TBC1D12: variants seen among roughly 807,000 people sequenced by gnomAD.
The protein encoded by TBC1D12 is TBC1 domain family, member 12.
A neutral mutation model predicts 86.7 loss-of-function variants in TBC1D12; 56 were observed. The ratio of observed to expected loss-of-function variants is 0.65; its 90% CI spans 0.52 to 0.81. The LOEUF is 0.81. Ranked by LOEUF, TBC1D12 falls within the 30% of genes least tolerant of loss-of-function variation. The probability of loss-of-function intolerance (pLI) is 0.00; values close to 1 mark genes in which losing one functional copy is unlikely to be tolerated. For synonymous variants in TBC1D12, 421 were observed against 411.7 expected, an observed-to-expected ratio of 1.02 and a Z score of -0.27; for missense variants, 1,023 against 1,038.8, an observed-to-expected ratio of 0.98 and a Z score of 0.21.
At chr10:94,458,261 A>G (rs2055658174) in intron 2 of TBC1D12, among the ~76,000 whole-genome samples, 1 of 152,156 alleles carries the variant, frequency 6.6e-6, no homozygotes, top group Non-Finnish European at 1.5e-5. Context: ...AGAGGAAAGC[A>G]AGATCTGAGC....
In TBC1D12 at chr10:94,534,803, CAGGATCCAGGTCAGATGA is replaced by C. The variant is rs1842513182; in HGVS notation, c.*1712_*1729del. ...GTGTGTGTTTCCTTGAAGTCCAGAG[CAGGATCCAGGTCAGATGA>C]AGGAGGTGGTATGCCTGGCTTAACT... On this transcript the variant is annotated 3_prime_UTR_variant, in exon 13 of 13. Transcript: ENST00000225235. 1 of 152,202 alleles carries C rather than the reference CAGGATCCAGGTCAGATGA, an allele frequency of 6.6e-6. No individual in the cohort carries two copies. Among genetic ancestry groups the C allele is most frequent in the South Asian group, 2.1e-4 (1 of 4,830 alleles). 9.4% of individuals were successfully genotyped at this position (152,202 alleles called of 1,614,324 possible).
chr10:94,509,154 G>A (rs988799619), intron 7 of TBC1D12: 1 of 148,658 alleles, frequency 6.7e-6, no homozygotes, highest in African/African-American at 2.5e-5. Flanking sequence ...GCCCAGGCTG[G>A]AGTGCAGTGG....
At chr10:94,479,926 T>C (rs1452559188) in intron 3 of TBC1D12, among the ~76,000 whole-genome samples, 2 of 152,212 alleles carry the variant, frequency 1.3e-5, no homozygotes, top group African/African-American at 4.8e-5. Context: ...AGGGTTGATA[T>C]CTTTCACCAT....
intron 3 of TBC1D12, among the ~76,000 whole-genome samples, chr10:94,482,720 G>A (rs2056095630): frequency 6.6e-6 from 1 of 152,094 alleles, no homozygotes; most frequent in African/African-American, 2.4e-5. Context: ...AAAGTGCTAG[G>A]ATTACAGGCA....
intron 1 of TBC1D12, among the ~76,000 whole-genome samples, chr10:94,428,228 A>G (rs1410197966): frequency 6.7e-6 from 1 of 148,190 alleles, no homozygotes. Flanking sequence ...AGGTTGGTGT[A>G]TTGAATCCTA....
intron 5 of TBC1D12, 86 bp from the exon 6 acceptor site, chr10:94,500,135 C>T (rs908212007): frequency 1.4e-5 from 16 of 1,182,484 alleles, no homozygotes; most frequent in African/African-American, 6.1e-5. Flanking sequence ...GATCACTTGG[C>T]CATAGACTAA....
chr10:94,404,834 G>C (rs1040779979), intron 1 of TBC1D12, among the ~76,000 whole-genome samples: 6 of 151,804 alleles, frequency 4.0e-5, no homozygotes, highest in Admixed American at 3.9e-4. Context: ...GATCACCTGA[G>C]GTCAGAGTTC....
intron 4 of TBC1D12, among the ~76,000 whole-genome samples, chr10:94,494,504 A>G (rs1436229329): frequency 2.0e-5 from 3 of 152,120 alleles, no homozygotes; most frequent in Non-Finnish European, 4.4e-5. Flanking sequence ...AGAATTCGAA[A>G]TATTTCTGAC....
rs748660059 is a variant in TBC1D12, at chr10:94,437,617, G to A, written c.972-4279G>A. ...AGTTATTTCTTCACGTATTTTTTCT[G>A]CCTCTTTGTCTTTCCCTTCTCCTTG... On this transcript the variant is annotated intron_variant, in intron 1 of 12. Coordinates refer to ENST00000225235, the MANE Select transcript of TBC1D12 (RefSeq NM_015188.2). Among the ~76,000 whole-genome samples, 44 of 152,042 alleles carry A rather than the reference G, an allele frequency of 2.9e-4. 1 individual carries two copies. The highest frequency in any genetic ancestry group is 1.3e-3 in the Admixed American group (20 of 15,248).
At chr10:94,432,570 A>G (rs2055232009) in intron 1 of TBC1D12, among the ~76,000 whole-genome samples, 1 of 152,190 alleles carries the variant, frequency 6.6e-6, no homozygotes, top group South Asian at 2.1e-4. Flanking sequence ...ACAATATCTG[A>G]TGGCCTTTCT....
chr10:94,496,187 A>G (rs929809331), intron 4 of TBC1D12, among the ~76,000 whole-genome samples: 2 of 151,976 alleles, frequency 1.3e-5, no homozygotes, highest in African/African-American at 4.8e-5. Flanking sequence ...TGAAAAAACA[A>G]TTTGAAAACA....
chr10:94,488,384 G>GTTTTTTTTTT (rs1281425108), intron 3 of TBC1D12, among the ~76,000 whole-genome samples: 1 of 106,084 alleles, frequency 9.4e-6, no homozygotes, highest in African/African-American at 3.7e-5. Context: ...GGCCCAAGGG[G>GTTTTTTTTTT]TCTTTTTTTT....
chr10:94,402,753 A>G lies in TBC1D12; in HGVS notation c.140A>G (p.Glu47Gly), dbSNP rs2134036708. The change falls in exon 1 of 13, where the codon GAG becomes GGG. Residue 47 changes from glutamate to glycine, a missense_variant. Transcript: ENST00000225235. ...GGFGGGVGAV[E>G]PPEEADEEEE... ...TTTGGCGGAGGCGTCGGCGCTGTGG[A>G]GCCGCCGGAGGAGGCTGACGAGGAG... 1 of 1,552,294 alleles carries G rather than the reference A, an allele frequency of 6.4e-7. No homozygotes were observed. The highest frequency in any genetic ancestry group is 8.7e-7 in the Non-Finnish European group (1 of 1,147,996).
intron 2 of TBC1D12, among the ~76,000 whole-genome samples, chr10:94,443,549 G>T (rs1209309440): frequency 6.6e-6 from 1 of 152,192 alleles, no homozygotes; most frequent in African/African-American, 2.4e-5. Context: ...AGACACTCTG[G>T]TGTGCTGCAC....
At chr10:94,465,888 A>G (rs964668557) in intron 2 of TBC1D12, among the ~76,000 whole-genome samples, 5 of 151,086 alleles carry the variant, frequency 3.3e-5, no homozygotes, top group Admixed American at 6.6e-5. Flanking sequence ...ATGTATGTAT[A>G]TACATACATA....
In TBC1D12 at chr10:94,476,483, C is replaced by T. The variant is rs76673651; in HGVS notation, c.1211+1700C>T. 7.6e-3 allele frequency among the ~76,000 whole-genome samples: 1,161 copies of T among 151,864 alleles called. 16 individuals are homozygous for T. The highest frequency in any genetic ancestry group is 0.027 in the African/African-American group (1,110 of 41,400). ...CTTGCTGCCAGGGATGAAAATGAAC[C>T]AGGCCAATTCAAAGATTCCTTTCTT... On this transcript the variant is annotated intron_variant, in intron 3 of 12. Coordinates refer to ENST00000225235, the MANE Select transcript of TBC1D12 (RefSeq NM_015188.2).
At position 94,404,966 on chromosome 10, in the gene TBC1D12, G is replaced by T. The variant is rs76592563; in HGVS notation, c.971+1382G>T. ...GGAGGCAGAGGCAAGAGAATCGTTT[G>T]AACCCAGAAGGCGGAGGTTGCTGTG... is the stretch of plus-strand genomic sequence containing the variant. On this transcript the variant is annotated intron_variant, in intron 1 of 12. Transcript: ENST00000225235. Among the ~76,000 whole-genome samples the T allele has an allele frequency of 8.6e-5, 13 of 150,964 alleles. 1 individual carries two copies. Among genetic ancestry groups the T allele is most frequent in the Admixed American group, 6.6e-4 (10 of 15,098 alleles).
chr10:94,452,677 C>T (rs1314887361), intron 2 of TBC1D12, among the ~76,000 whole-genome samples: 3 of 152,138 alleles, frequency 2.0e-5, no homozygotes, highest in Non-Finnish European at 2.9e-5. Flanking sequence ...TTTATTTACC[C>T]ATTCACCTAC....
chr10:94,436,669 T>C (rs1236492511), intron 1 of TBC1D12, among the ~76,000 whole-genome samples: 1 of 152,130 alleles, frequency 6.6e-6, no homozygotes, highest in Non-Finnish European at 1.5e-5. Context: ...TATAAAACTT[T>C]GGCTAGATTT....
Sources: allele counts gnomAD v4.1 joint callset (sites outside exome capture counted in the v4.1 genomes callset), GRCh38; gene constraint gnomAD v4.1.1; transcripts MANE v1.5; gene names NCBI Gene and HGNC (gene_info 2026-07-23, HGNC 2026-07-21).